ZNRF3: variants seen among roughly 807,000 people sequenced by gnomAD.
ZNRF3 encodes the protein zinc and ring finger 3.
A neutral mutation model predicts 72.5 loss-of-function variants in ZNRF3; 23 were observed. The ratio of observed to expected loss-of-function variants is 0.32; its 90% CI spans 0.23 to 0.45. The LOEUF (loss-of-function observed/expected upper bound fraction) is 0.45, where lower values mean the gene tolerates loss of function less well. Among genes scored for constraint, ZNRF3 ranks in the 20% least tolerant of loss-of-function variants. The pLI is 1.00. For missense variants in ZNRF3, 1,169 were observed against 1,272.1 expected (o/e 0.92, Z 1.23); for synonymous variants, 610 against 545.3 (o/e 1.12, Z -1.65).
intron 1 of ZNRF3, among the ~76,000 whole-genome samples, chr22:28,953,617 A>C (rs908311535): frequency 2.0e-5 from 3 of 152,220 alleles, no homozygotes; most frequent in Non-Finnish European, 4.4e-5. Flanking sequence ...CAGGGCTTCA[A>C]CTGAGCTTAG....
intron 2 of ZNRF3, among the ~76,000 whole-genome samples, chr22:29,033,817 G>A (rs1010658026): frequency 2.0e-5 from 3 of 152,188 alleles, no homozygotes; most frequent in African/African-American, 7.2e-5. Flanking sequence ...GGGAAGTAAG[G>A]ATTGTATGAA....
rs577018805 is a variant in ZNRF3 at position 28,994,909 on chromosome 22, A to T, written c.426+7708A>T. Reference sequence around the variant, plus strand: ...ACTGATGTTACTGAATCCTGGGGCAAAGCAAACCCGCATCCCATAGAATGT... The same window carrying T: ...ACTGATGTTACTGAATCCTGGGGCATAGCAAACCCGCATCCCATAGAATGT... On this transcript the variant is annotated intron_variant, in intron 2 of 8. Coordinates refer to ENST00000544604, the MANE Select transcript of ZNRF3 (RefSeq NM_001206998.2). Among the ~76,000 whole-genome samples, 10 of 152,302 alleles carry T rather than the reference A, an allele frequency of 6.6e-5. No individual in the cohort carries two copies. The South Asian group carries it at 1.7e-3, about 25-fold the overall frequency.
chr22:28,940,758 G>T (rs1271735466), intron 1 of ZNRF3, among the ~76,000 whole-genome samples: 1 of 151,966 alleles, frequency 6.6e-6, no homozygotes, highest in African/African-American at 2.4e-5. Flanking sequence ...TAATTTCTGG[G>T]TGTGAACTGT....
intron 2 of ZNRF3, among the ~76,000 whole-genome samples, chr22:28,999,230 A>G (rs2123840088): frequency 6.6e-6 from 1 of 151,848 alleles, no homozygotes; most frequent in East Asian, 1.9e-4. Flanking sequence ...GCTACTCAGA[A>G]GGCTGAGGCA....
intron 1 of ZNRF3, among the ~76,000 whole-genome samples, chr22:28,953,209 G>T (rs2035197035): frequency 6.6e-6 from 1 of 152,174 alleles, no homozygotes; most frequent in African/African-American, 2.4e-5. Flanking sequence ...GTAGGTGAAG[G>T]TTCCTGTTTC....
In ZNRF3 at chr22:29,047,065, A is replaced by G. The variant is rs141294646; in HGVS notation, c.912+182A>G. 7.3e-3 allele frequency among the ~76,000 whole-genome samples: 1,118 copies of G among 152,304 alleles called. 20 individuals carry two copies. The highest frequency in any genetic ancestry group is 0.026 in the African/African-American group (1,080 of 41,562). ...TGGGTGTTTTTACTTACAAAGAGAC[A>G]AGGGATTTTATATCCCTCACTTTTT... is the stretch of plus-strand genomic sequence containing the variant. On this transcript the variant is annotated intron_variant, in intron 6 of 8. Coordinates refer to ENST00000544604, the MANE Select transcript of ZNRF3 (RefSeq NM_001206998.2).
At chr22:28,886,697 G>A (rs1318221118) in intron 1 of ZNRF3, among the ~76,000 whole-genome samples, 3 of 152,106 alleles carry the variant, frequency 2.0e-5, no homozygotes, top group South Asian at 2.1e-4. Context: ...GGTGACTGAC[G>A]CCTGTAGTCT....
intron 2 of ZNRF3, among the ~76,000 whole-genome samples, chr22:29,004,331 A>C (rs469993): frequency 0.96 from 146,745 of 152,316 alleles, 70,769 homozygotes; most frequent in East Asian, 1. Context: ...GCCCAGGTAG[A>C]TTTTTCTCTC....
chr22:28,907,501 C>T (rs925363178), intron 1 of ZNRF3, among the ~76,000 whole-genome samples: 15 of 152,056 alleles, frequency 9.9e-5, no homozygotes, highest in African/African-American at 1.9e-4. Context: ...AGGTGGTGGC[C>T]GCATGGTTCC....
At position 29,049,702 on chromosome 22, in the gene ZNRF3, G is replaced by C; in HGVS notation, c.1521G>C (p.Leu507=). ...RAFPPSGSGS[L]LFPTVVHVAP... ...TTCCTCCGAGCGGCAGTGGCAGCCT[G>C]CTCTTCCCCACCGTGGTGCACGTGG... Residue 507 remains leucine, a synonymous_variant, in exon 8 of 9, where the codon CTG becomes CTC. Transcript: ENST00000544604. The surrounding 1 kb of genome is among the most constrained non-coding windows in gnomAD (Gnocchi z 5.2). The C allele has an allele frequency of 1.9e-6, 3 of 1,605,870 alleles. No individual in the cohort carries two copies. The highest frequency in any genetic ancestry group is 2.2e-5 in the East Asian group (1 of 44,832).
At chr22:28,917,312 G>T in intron 1 of ZNRF3, 1 of 359,312 alleles carries the variant, frequency 2.8e-6, no homozygotes, top group Non-Finnish European at 3.8e-6. Context: ...CACGACACTA[G>T]GTATGTGTGC....
chr22:28,957,462 C>G (rs2035280581), intron 1 of ZNRF3, among the ~76,000 whole-genome samples: 1 of 152,150 alleles, frequency 6.6e-6, no homozygotes, highest in African/African-American at 2.4e-5. Flanking sequence ...TTGTTTGAGA[C>G]AGAGTCTCGC....
At position 28,906,001 on chromosome 22, in the gene ZNRF3, A is replaced by G. The variant is rs557623873; in HGVS notation, c.300+21935A>G. On this transcript the variant is annotated intron_variant, in intron 1 of 8. Coordinates refer to ENST00000544604, the MANE Select transcript of ZNRF3 (RefSeq NM_001206998.2). Reference sequence around the variant, plus strand: ...AGGTAATTGGAGGCAGGTAAATCCAATGGCAGTCTGCTAACCTCTTAGAGC... The same window carrying G: ...AGGTAATTGGAGGCAGGTAAATCCAGTGGCAGTCTGCTAACCTCTTAGAGC... Among the ~76,000 whole-genome samples the G allele has an allele frequency of 2.0e-5, 3 of 152,284 alleles. No homozygotes were observed. In the East Asian group the frequency reaches 5.8e-4, roughly 29 times the overall value.
chr22:29,027,727 G>C (rs893250652), intron 2 of ZNRF3, among the ~76,000 whole-genome samples: 1 of 152,208 alleles, frequency 6.6e-6, no homozygotes, highest in Non-Finnish European at 1.5e-5. Flanking sequence ...TCAGGAGATA[G>C]ATTCAGTGTC....
At chr22:28,977,736 G>A (rs959959150) in intron 1 of ZNRF3, among the ~76,000 whole-genome samples, 34 of 152,146 alleles carry the variant, frequency 2.2e-4, no homozygotes, top group African/African-American at 7.7e-4. Flanking sequence ...AGAAGCAGGC[G>A]GCTCTTTTGA....
chr22:28,977,777 G>A (rs969835403), intron 1 of ZNRF3, among the ~76,000 whole-genome samples: 11 of 152,104 alleles, frequency 7.2e-5, no homozygotes, highest in African/African-American at 2.7e-4. Context: ...CTAGTGTAGA[G>A]ATTTGTAACC....
chr22:28,920,431 C>T (rs1424968157), intron 1 of ZNRF3, among the ~76,000 whole-genome samples: 1 of 150,688 alleles, frequency 6.6e-6, no homozygotes, highest in South Asian at 2.1e-4. Context: ...CCACCACGCC[C>T]AGCTAATTTT....
intron 1 of ZNRF3, among the ~76,000 whole-genome samples, chr22:28,960,604 G>T (rs1306748401): frequency 2.0e-5 from 3 of 152,192 alleles, no homozygotes; most frequent in Non-Finnish European, 4.4e-5. Context: ...ATTGATAGGG[G>T]CTATATTTTT....
rs1200795312 is a variant in ZNRF3, at chr22:28,892,122, A to G, written c.300+8056A>G. Among the ~76,000 whole-genome samples the G allele has an allele frequency of 2.6e-5, 4 of 152,326 alleles. No individual in the cohort carries two copies. In the East Asian group the frequency reaches 7.7e-4, roughly 29 times the overall value. ...ATGTTTGTGACCTTTCTTACTTTGC[A>G]CAGGCTCATTGAATCCTCTTGGTTG... On this transcript the variant is annotated intron_variant, in intron 1 of 8. Transcript: ENST00000544604.
Sources: gnomAD v4.1 joint callset for allele counts (sites outside exome capture counted in the v4.1 genomes callset) on GRCh38, gnomAD v4.1.1 for gene constraint, Gnocchi (gnomAD v3.1) non-coding constraint, MANE v1.5 for transcripts, NCBI Gene and HGNC (gene_info 2026-07-23, HGNC 2026-07-21) for gene names.